CHEK2: variants seen among roughly 807,000 people sequenced by gnomAD.
CHEK2 encodes checkpoint kinase 2.
A neutral mutation model predicts 69.1 loss-of-function variants in CHEK2; 71 were observed. The ratio of observed to expected loss-of-function variants is 1.03; its 90% CI spans 0.85 to 1.25. CHEK2 has a LOEUF of 1.25. Among genes scored for constraint, CHEK2 ranks in the 50% most tolerant of loss-of-function variants. The probability of loss-of-function intolerance (pLI) is 0.00; values close to 1 mark genes in which losing one functional copy is unlikely to be tolerated. For synonymous variants in CHEK2, 189 were observed against 226.9 expected (o/e 0.83, Z 1.50); for missense variants, 664 against 649.6 (o/e 1.02, Z -0.24).
At chr22:28,739,926 T>G (rs560497129) in intron 1 of CHEK2, among the ~76,000 whole-genome samples, 2 of 151,850 alleles carry the variant, frequency 1.3e-5, no homozygotes, top group South Asian at 2.1e-4. Flanking sequence ...GTACTGGCCA[T>G]GTACAGTGGC....
At chr22:28,702,162 T>C (rs2052890472) in intron 8 of CHEK2, among the ~76,000 whole-genome samples, 1 of 151,328 alleles carries the variant, frequency 6.6e-6, no homozygotes, top group African/African-American at 2.4e-5. Context: ...TGTGTGTGTG[T>C]GTGTGTGTGT....
In CHEK2 at chr22:28,735,965, A is replaced by C. The variant is rs548741832; in HGVS notation, c.-6-1238T>G. 4.1e-4 allele frequency among the ~76,000 whole-genome samples: 62 copies of C among 152,264 alleles called. 1 individual carries two copies. Among genetic ancestry groups the C allele is most frequent in the Admixed American group, 3.4e-3 (52 of 15,268 alleles). ...GCAGTGACTCACAACTGTAAACCCA[A>C]TATTTCGGGTGGTGGAGGTAGGAGG... On this transcript the variant is annotated intron_variant, in intron 1 of 14. Transcript: ENST00000404276.
intron 1 of CHEK2, among the ~76,000 whole-genome samples, chr22:28,735,576 A>G (rs1013294704): frequency 1.3e-5 from 2 of 152,114 alleles, no homozygotes; most frequent in South Asian, 2.1e-4. Context: ...GATATTTAAC[A>G]CCTTATTATA....
chr22:28,709,120 CA>C (rs2053291180), intron 7 of CHEK2: 1 of 211,714 alleles, frequency 4.7e-6, no homozygotes, highest in African/African-American at 2.4e-5. Context: ...CAAAAAAAAG[CA>C]AGATAAGATT....
intron 2 of CHEK2, among the ~76,000 whole-genome samples, chr22:28,731,527 T>C (rs940889414): frequency 4.0e-5 from 6 of 151,280 alleles, no homozygotes; most frequent in African/African-American, 9.7e-5. Context: ...ACCCAGGAGA[T>C]TGAGGTTGCA....
At chr22:28,709,267 T>C (rs1402626741) in intron 7 of CHEK2, among the ~76,000 whole-genome samples, 2 of 152,200 alleles carry the variant, frequency 1.3e-5, no homozygotes, top group African/African-American at 4.8e-5. Context: ...CAGGATGTTG[T>C]CATACTTAAT....
intron 4 of CHEK2, among the ~76,000 whole-genome samples, chr22:28,720,388 GC>G (rs2053732793): frequency 6.8e-6 from 1 of 146,294 alleles, no homozygotes; most frequent in Non-Finnish European, 1.5e-5. Context: ...AATGTGCCCA[GC>G]CAAAAAAAAA....
At position 28,719,483 on chromosome 22, in the gene CHEK2, A is replaced by G; in HGVS notation, c.595T>C (p.Phe199Leu). The part of the protein sequence containing the change: ...IALSLSRNKV[F>L]VFFDLTVDDQ... ...TCTACAGTCAGATCAAAAAAGACAA[A>G]AACTAAGGAAGAAAAGAGTAGAAAT... Residue 199 changes from phenylalanine to leucine, a missense_variant and splice_region_variant, in exon 5 of 15, where the codon TTT becomes CTT. Transcript: ENST00000404276. The G allele has an allele frequency of 6.4e-7, 1 of 1,567,218 alleles. No individual in the cohort carries two copies.
At chr22:28,708,658 T>C (rs1001010229) in intron 7 of CHEK2, 1 of 153,174 alleles carries the variant, frequency 6.5e-6, no homozygotes, top group Non-Finnish European at 1.5e-5. Flanking sequence ...CTTTTTGCTG[T>C]TTCGAGGTTA....
At chr22:28,699,312 C>T (rs2052721640) in intron 9 of CHEK2, among the ~76,000 whole-genome samples, 1 of 147,074 alleles carries the variant, frequency 6.8e-6, no homozygotes, top group Non-Finnish European at 1.5e-5. Flanking sequence ...CTATTTATTT[C>T]TTTAATTCCC....
At chr22:28,724,624 T>A in intron 4 of CHEK2, 4 of 349,750 alleles carry the variant, frequency 1.1e-5, no homozygotes, top group South Asian at 9.6e-5. Flanking sequence ...TAGAGTGCAA[T>A]GGCACGATCT....
At chr22:28,716,018 G>A (rs2053574079) in intron 5 of CHEK2, among the ~76,000 whole-genome samples, 1 of 151,434 alleles carries the variant, frequency 6.6e-6, no homozygotes, top group Non-Finnish European at 1.5e-5. Flanking sequence ...GGTGCAGACC[G>A]CAACGCTCAG....
At chr22:28,719,518 T>A (rs2146008307) in intron 4 of CHEK2, 33 bp from the exon 5 acceptor site, 2 of 1,283,018 alleles carry the variant, frequency 1.6e-6, no homozygotes, top group Non-Finnish European at 2.2e-6. Flanking sequence ...TGGGTTTCAT[T>A]AATTTATTCA....
chr22:28,715,864 T>C (rs1487439975), intron 5 of CHEK2, among the ~76,000 whole-genome samples: 2 of 143,622 alleles, frequency 1.4e-5, no homozygotes, highest in East Asian at 2.0e-4. Flanking sequence ...TTTCTTCTTC[T>C]TTTTTTTTTT....
chr22:28,730,656 G>A (rs1159972826), intron 2 of CHEK2: 11 of 468,172 alleles, frequency 2.3e-5, no homozygotes, highest in Non-Finnish European at 3.6e-5. Context: ...GCAGGAGTTC[G>A]AGACCAGCCT....
chr22:28,715,397 T>TTTTATTTA (rs3029446), intron 5 of CHEK2, among the ~76,000 whole-genome samples: 102 of 149,064 alleles, frequency 6.8e-4, no homozygotes, highest in South Asian at 3.8e-3. Context: ...TTATTTTTAT[T>TTTTATTTA]TTTATTTATT....
intron 8 of CHEK2, among the ~76,000 whole-genome samples, chr22:28,700,370 C>T (rs573878082): frequency 1.3e-5 from 2 of 152,158 alleles, no homozygotes; most frequent in African/African-American, 2.4e-5. Context: ...CACCACCATG[C>T]CCGGCTAATT....
At chr22:28,718,755 G>A (rs2053665953) in intron 5 of CHEK2, among the ~76,000 whole-genome samples, 2 of 151,628 alleles carry the variant, frequency 1.3e-5, no homozygotes, top group Admixed American at 6.6e-5. Flanking sequence ...GGTGGTTCAA[G>A]CCCATAGTCC....
intron 4 of CHEK2, 21 bp from the exon 5 acceptor site, chr22:28,719,506 A>T: frequency 7.1e-7 from 1 of 1,402,958 alleles, no homozygotes; most frequent in South Asian, 1.2e-5. Context: ...AAAGAGTAGA[A>T]ATGGGTTTCA....
Sources: allele counts gnomAD v4.1 joint callset (sites outside exome capture counted in the v4.1 genomes callset), GRCh38; gene constraint gnomAD v4.1.1; transcripts MANE v1.5; gene names NCBI Gene and HGNC (gene_info 2026-07-23, HGNC 2026-07-21).